The following GCM1 variants were observed in gnomAD, a reference collection of about 807,000 sequenced individuals.
GCM1 encodes the protein chorion-specific transcription factor GCMa.
A neutral mutation model predicts 25.7 loss-of-function variants in GCM1; 2 were observed. That is an observed-to-expected ratio of 0.08 (90% CI 0.03 to 0.24). The LOEUF is 0.24. Ranked by LOEUF, GCM1 falls within the 10% of genes least tolerant of loss-of-function variation. The pLI, the probability that GCM1 is intolerant of heterozygous loss-of-function variation, is 1.00. For synonymous variants in GCM1, 183 were observed against 195.7 expected, an observed-to-expected ratio of 0.94 and a Z score of 0.54; for missense variants, 395 against 538.7, an observed-to-expected ratio of 0.73 and a Z score of 2.64.
chr6:53,144,409 G>A (rs1225267344), intron 2 of GCM1, among the ~76,000 whole-genome samples: 2 of 146,436 alleles, frequency 1.4e-5, no homozygotes, highest in East Asian at 2.0e-4. Flanking sequence ...CAGGAGACCA[G>A]GCAAACCCAT....
At chr6:53,130,615 C>G (rs868427332) in intron 5 of GCM1, among the ~76,000 whole-genome samples, 188 bp downstream of exon 5, 9 of 152,154 alleles carry the variant, frequency 5.9e-5, no homozygotes, top group Admixed American at 4.6e-4. Context: ...CAGCATGCTA[C>G]AAAGATGGTA....
chr6:53,138,843 C>T (rs1763835704), intron 2 of GCM1, among the ~76,000 whole-genome samples: 1 of 152,146 alleles, frequency 6.6e-6, no homozygotes, highest in African/African-American at 2.4e-5. Flanking sequence ...CTAACTCAAT[C>T]AAAATTTTTG....
chr6:53,134,659 C>G (rs1197016722), intron 2 of GCM1, among the ~76,000 whole-genome samples: 1 of 152,210 alleles, frequency 6.6e-6, no homozygotes, highest in Non-Finnish European at 1.5e-5. Context: ...TAATGCTATG[C>G]TCTTACACAA....
In GCM1 at chr6:53,145,746, G is replaced by A; in HGVS notation, c.-114C>T. 1.5e-6 allele frequency: 1 copy of A among 665,630 alleles called. No individual in the cohort carries two copies. Among genetic ancestry groups the A allele is most frequent in the Non-Finnish European group, 2.7e-6 (1 of 372,814 alleles). 41.2% of individuals were successfully genotyped at this position (665,630 alleles called of 1,614,324 possible). A position where few individuals can be genotyped will look rare whatever the true frequency, so the allele number is the denominator to read the frequency against. On this transcript the variant is annotated 5_prime_UTR_variant, in exon 2 of 6. Transcript: ENST00000259803. Reference sequence around the variant, plus strand: ...TGGATCGGCCCACTCAAGCACCTTGGACCAGGAGATTGTTTTCTAGGGCTA... The same window carrying A: ...TGGATCGGCCCACTCAAGCACCTTGAACCAGGAGATTGTTTTCTAGGGCTA...
Position 53,128,591 on chromosome 6 carries a change from G to A in GCM1, c.926C>T (p.Ala309Val). Residue 309 changes from alanine (A) to valine (V), a missense_variant, in exon 6 of 6, where the codon GCT (alanine) becomes GTT (valine). Physicochemically the swap from Ala to Val is moderately conservative, Grantham distance 64. Around this residue, in one of 5 missense-constraint regions of GCM1, gnomAD observed 291 missense variants for 314.6 expected, o/e 0.92. Coordinates refer to ENST00000259803, the MANE Select transcript of GCM1 (RefSeq NM_003643.4). ...AGGATAATTGGAATAACAGTTGTCA[G>A]CAAGATGATTTCTCCCCAAAGCAGC... ...KNAALGRNHL[A>V]DNCYSNYPFP... 8.1e-6 allele frequency: 13 copies of A among 1,614,132 alleles called. No homozygotes were observed. The highest frequency in any genetic ancestry group is 1.1e-5 in the Non-Finnish European group (13 of 1,180,008).
At chr6:53,139,191 T>C (rs1447156054) in intron 2 of GCM1, among the ~76,000 whole-genome samples, 1 of 152,030 alleles carries the variant, frequency 6.6e-6, no homozygotes, top group Admixed American at 6.5e-5. Context: ...AAGCAAATTA[T>C]ATAGAGGTAC....
At position 53,128,456 on chromosome 6, in the gene GCM1, G is replaced by C; in HGVS notation, c.1061C>G (p.Pro354Arg). 4.3e-6 allele frequency: 7 copies of C among 1,614,064 alleles called. No homozygotes were observed. The highest frequency in any genetic ancestry group is 5.9e-6 in the Non-Finnish European group (7 of 1,179,964). Residue 354 changes from proline (P) to arginine (R), a missense_variant, in exon 6 of 6, where the codon CCA (proline) becomes CGA (arginine). Pro to Arg is a moderately radical substitution (Grantham distance 103). Coordinates refer to ENST00000259803, the MANE Select transcript of GCM1 (RefSeq NM_003643.4). ...ATTACCCGCTGGATTTGGCCATAAT[G>C]GGGGACAGCCAGTTTTGGCTGCAGG... is the stretch of plus-strand genomic sequence containing the variant. ...EPPAAKTGCP[P>R]LWPNPAGNLY...
At chr6:53,138,977 A>G (rs6912654) in intron 2 of GCM1, among the ~76,000 whole-genome samples, 17,471 of 152,256 alleles carry the variant, frequency 0.11, 1,194 homozygotes, top group East Asian at 0.34. Context: ...CTAATCAATT[A>G]AAATACAAAT....
rs577335382 is a variant in GCM1 at position 53,130,672 on chromosome 6, G to C, written c.570+131C>G. 2.4e-5 allele frequency: 16 copies of C among 661,694 alleles called. No homozygotes were observed. The East Asian group carries it at 3.5e-4, about 14-fold the overall frequency. 41.0% of individuals were successfully genotyped at this position (661,694 alleles called of 1,614,324 possible). A position where few individuals can be genotyped will look rare whatever the true frequency, so the allele number is the denominator to read the frequency against. ...GATTTAATTTCTTTAGCAGATGCTTGTTTGTAGATGAGCCTGATAATCCAT... is the reference window on the plus strand; with the variant it reads ...GATTTAATTTCTTTAGCAGATGCTTCTTTGTAGATGAGCCTGATAATCCAT... On this transcript the variant is annotated intron_variant, in intron 5 of 5. Transcript: ENST00000259803.
chr6:53,148,363 A>G lies in GCM1; in HGVS notation c.-137+391T>C, dbSNP rs550326589. 1.2e-4 allele frequency among the ~76,000 whole-genome samples: 19 copies of G among 152,352 alleles called. No homozygotes were observed. In the East Asian group the frequency reaches 3.1e-3, roughly 25 times the overall value. ...TTGTTATAAAGCCTAGGCAATATAG[A>G]CATAATTATTTTGTTTTTAAATTAA... On this transcript the variant is annotated intron_variant, in intron 1 of 5. Coordinates refer to ENST00000259803, the MANE Select transcript of GCM1 (RefSeq NM_003643.4).
intron 2 of GCM1, among the ~76,000 whole-genome samples, chr6:53,142,781 A>ATTATACCTATT (rs1432089050): frequency 6.6e-6 from 1 of 150,784 alleles, no homozygotes; most frequent in African/African-American, 2.4e-5. Context: ...TATTAGAACT[A>ATTATACCTATT]ATAGGTACAT....
intron 2 of GCM1, 27 bp from the exon 3 acceptor site, chr6:53,134,351 A>G (rs1421504900): frequency 1.2e-6 from 2 of 1,606,486 alleles, no homozygotes; most frequent in Admixed American, 1.7e-5. Flanking sequence ...AGATACGACT[A>G]TACTTTAAGC....
At chr6:53,142,387 CT>C (rs1196300319) in intron 2 of GCM1, among the ~76,000 whole-genome samples, 1 of 152,192 alleles carries the variant, frequency 6.6e-6, no homozygotes, top group Non-Finnish European at 1.5e-5. Flanking sequence ...CTAATACAGC[CT>C]CCTTCGGAGA....
intron 3 of GCM1, among the ~76,000 whole-genome samples, chr6:53,133,751 C>T (rs1239223529): frequency 6.6e-6 from 1 of 152,184 alleles, no homozygotes; most frequent in Non-Finnish European, 1.5e-5. Flanking sequence ...ATCTTGGCCT[C>T]CCAAAGTGCT....
rs1186015395 is a variant in GCM1 at position 53,128,183 on chromosome 6, G to T, written c.*23C>A. 8 of 1,586,466 alleles carry T rather than the reference G, an allele frequency of 5.0e-6. No homozygotes were observed. Among genetic ancestry groups the T allele is most frequent in the Non-Finnish European group, 6.8e-6 (8 of 1,168,468 alleles). The stretch of plus-strand genomic sequence containing the variant: ...CCTTCCCCATTTTTGAGGGGCTGGG[G>T]TGCACATAGTGAAAGATTTGGGTCA... On this transcript the variant is annotated 3_prime_UTR_variant, in exon 6 of 6. Transcript: ENST00000259803.
intron 2 of GCM1, among the ~76,000 whole-genome samples, chr6:53,136,574 C>T (rs559998681): frequency 1.3e-5 from 2 of 152,300 alleles, no homozygotes; most frequent in African/African-American, 4.8e-5. Flanking sequence ...CTGGAACTGC[C>T]CTCAGCCAGT....
chr6:53,131,492 A>G (rs945433207), intron 4 of GCM1, among the ~76,000 whole-genome samples: 1 of 152,220 alleles, frequency 6.6e-6, no homozygotes, highest in African/African-American at 2.4e-5. Flanking sequence ...CAAATGCTAC[A>G]AATCAGGACA....
intron 5 of GCM1, among the ~76,000 whole-genome samples, chr6:53,130,548 C>T (rs946116127): frequency 6.6e-6 from 1 of 152,210 alleles, no homozygotes; most frequent in Admixed American, 6.5e-5. Context: ...ATTCAAGTTT[C>T]TCTTTGTAAT....
intron 2 of GCM1, among the ~76,000 whole-genome samples, chr6:53,143,297 T>C (rs756960781): frequency 3.9e-5 from 6 of 152,174 alleles, no homozygotes; most frequent in Non-Finnish European, 7.3e-5. Context: ...AACACTTTCA[T>C]TTTTGGAAAT....
Sources: allele counts gnomAD v4.1 joint callset (sites outside exome capture counted in the v4.1 genomes callset), GRCh38; gene constraint gnomAD v4.1.1; regional missense constraint gnomAD v4.1.1; transcripts MANE v1.5; gene names NCBI Gene and HGNC (gene_info 2026-07-23, HGNC 2026-07-21).